Variants in TP53BP1 observed in about 807,000 individuals in gnomAD.
TP53BP1 encodes the protein TP53-binding protein 1.
In TP53BP1, 61 loss-of-function variants were observed where a neutral mutation model predicts 200.8. The ratio of observed to expected loss-of-function variants is 0.30; its 90% CI spans 0.25 to 0.38. The LOEUF (loss-of-function observed/expected upper bound fraction) is 0.38, where lower values mean the gene tolerates loss of function less well. Ranked by LOEUF, TP53BP1 falls within the 10% of genes least tolerant of loss-of-function variation. The pLI, the probability that TP53BP1 is intolerant of heterozygous loss-of-function variation, is 1.00. For missense variants in TP53BP1, 2,144 were observed against 2,371.9 expected, an observed-to-expected ratio of 0.90 and a Z score of 2.00; for synonymous variants, 822 against 844.3, an observed-to-expected ratio of 0.97 and a Z score of 0.46.
At chr15:43,467,048 TGTAAAG>T (rs541320883) in intron 11 of TP53BP1, among the ~76,000 whole-genome samples, 1 of 150,748 alleles carries the variant, frequency 6.6e-6, no homozygotes, top group South Asian at 2.1e-4. Context: ...AAAGCTATGT[TGTAAAG>T]GTATTCTTTT....
chr15:43,448,398 G>A (rs1475650903), intron 12 of TP53BP1, among the ~76,000 whole-genome samples: 1 of 151,840 alleles, frequency 6.6e-6, no homozygotes, highest in Non-Finnish European at 1.5e-5. Context: ...TACTTTCCTG[G>A]GATGGCTCAA....
Position 43,405,358 on chromosome 15 carries a change from G to T in TP53BP1, c.*2025C>A. 2.3e-6 allele frequency: 2 copies of T among 877,206 alleles called. No individual in the cohort carries two copies. Among genetic ancestry groups the T allele is most frequent in the Non-Finnish European group, 3.6e-6 (2 of 552,076 alleles). The allele number at this position is 877,206 out of a possible 1,614,324, so 54.3% of individuals were successfully genotyped here. A position where few individuals can be genotyped will look rare whatever the true frequency, so the allele number is the denominator to read the frequency against. On this transcript the variant is annotated 3_prime_UTR_variant, in exon 28 of 28. Transcript: ENST00000382044. ...ACCTTTTCTCCTAGAAGCAGTTACT[G>T]AACATCCAGGAGTACAACTCCTTCC...
intron 18 of TP53BP1, among the ~76,000 whole-genome samples, chr15:43,424,020 A>G (rs2045468999): frequency 6.6e-6 from 1 of 152,160 alleles, no homozygotes; most frequent in Non-Finnish European, 1.5e-5. Flanking sequence ...AATTTCTACT[A>G]GTCTTCCCCT....
chr15:43,431,858 T>G (rs931131129), intron 17 of TP53BP1, among the ~76,000 whole-genome samples: 1 of 152,164 alleles, frequency 6.6e-6, no homozygotes, highest in African/African-American at 2.4e-5. Context: ...ATCTGATGGT[T>G]AGAAGGCAAG....
chr15:43,484,326 C>T (rs2079016260), intron 4 of TP53BP1, among the ~76,000 whole-genome samples: 1 of 152,204 alleles, frequency 6.6e-6, no homozygotes, highest in Admixed American at 6.5e-5. Flanking sequence ...CACCATTCTT[C>T]ATCTGCTTCA....
Position 43,432,301 on chromosome 15 carries a change from C to T in TP53BP1, c.3568G>A (p.Val1190Met). The change falls in exon 17 of 28, where the codon GTG (valine) becomes ATG (methionine). Residue 1190 changes from valine (V) to methionine (M), a missense_variant. Around this residue, in one of 4 missense-constraint regions of TP53BP1, gnomAD observed 1,700 missense variants for 1,710.3 expected, o/e 0.99. Coordinates refer to ENST00000382044, the MANE Select transcript of TP53BP1 (RefSeq NM_001141980.3). ...TCTTGCTTTCCAAAGTTCTGGTCCA[C>T]TGTACTGGTCCCCTGCTCACACACA... The part of the protein sequence containing the change: ...KNVCEQGTST[V>M]DQNFGKQDAT... 1 of 1,614,202 alleles carries T rather than the reference C, an allele frequency of 6.2e-7. No individual in the cohort carries two copies. Among genetic ancestry groups the T allele is most frequent in the Non-Finnish European group, 8.5e-7 (1 of 1,180,028 alleles).
At chr15:43,434,099 T>A (rs554269530) in intron 16 of TP53BP1, among the ~76,000 whole-genome samples, 76 of 152,340 alleles carry the variant, frequency 5.0e-4, no homozygotes, top group African/African-American at 1.7e-3. Flanking sequence ...TTGGTTGTTA[T>A]AGTGTGTGTC....
At position 43,456,366 on chromosome 15, in the gene TP53BP1, G is replaced by C. The variant is rs776112921; in HGVS notation, c.2242C>G (p.Gln748Glu). The change falls in exon 12 of 28, where the codon CAG (glutamine) becomes GAG (glutamate). Residue 748 changes from glutamine to glutamate, a missense_variant. Coordinates refer to ENST00000382044, the MANE Select transcript of TP53BP1 (RefSeq NM_001141980.3). ...ILDQELEHKE[Q>E]EAWEEATSED... The stretch of plus-strand genomic sequence containing the variant: ...GAAGTAGCTTCTTCCCAAGCTTCCT[G>C]TTCCTTATGTTCCAATTCTTGGTCA... The C allele has an allele frequency of 6.2e-7, 1 of 1,609,316 alleles. No homozygotes were observed.
At chr15:43,485,877 T>C (rs1004287788) in intron 4 of TP53BP1, among the ~76,000 whole-genome samples, 5 of 151,732 alleles carry the variant, frequency 3.3e-5, no homozygotes, top group African/African-American at 1.2e-4. Context: ...TCAAAAAAAT[T>C]TGTAGAATGA....
Position 43,462,410 on chromosome 15 carries a change from C to T in TP53BP1, c.1390-5192G>A, listed in dbSNP as rs1595587221. Among the ~76,000 whole-genome samples the T allele has an allele frequency of 2.0e-5, 3 of 152,070 alleles. No homozygotes were observed. The East Asian group carries it at 5.8e-4, about 29-fold the overall frequency. ...CAAACACCTGAACTCAAGCAATCTT[C>T]CCCGCTCATACTGCTCCCCAGCACC... On this transcript the variant is annotated intron_variant, in intron 11 of 27. Coordinates refer to ENST00000382044, the MANE Select transcript of TP53BP1 (RefSeq NM_001141980.3).
At position 43,481,460 on chromosome 15, in the gene TP53BP1, TACACACACAC is replaced by T. The variant is rs61433356; in HGVS notation, c.372-448_372-439del. ...TAAGGAGCTTATATATGTATATAAA[TACACACACAC>T]ACACACACACACACACACACACTTT... is the stretch of plus-strand genomic sequence containing the variant. On this transcript the variant is annotated intron_variant, in intron 4 of 27. Transcript: ENST00000382044. Among the ~76,000 whole-genome samples, 52 of 143,810 alleles carry T rather than the reference TACACACACAC, an allele frequency of 3.6e-4. No homozygotes were observed. In the South Asian group the frequency reaches 6.1e-3, roughly 17 times the overall value. The allele number at this position is 143,810 out of a possible 152,430, so 94.3% of individuals were successfully genotyped here.
intron 11 of TP53BP1, among the ~76,000 whole-genome samples, chr15:43,457,614 G>A (rs960349553): frequency 8.1e-6 from 1 of 122,760 alleles, no homozygotes; most frequent in African/African-American, 3.1e-5. Context: ...GGAGGTTGCA[G>A]TAAGCCGAGA....
chr15:43,441,375 T>C, intron 15 of TP53BP1, 151 bp downstream of exon 15: 1 of 631,718 alleles, frequency 1.6e-6, no homozygotes, highest in Non-Finnish European at 2.8e-6. Context: ...AACTAAAAAG[T>C]CTATGATCCA....
chr15:43,409,493 C>A, intron 25 of TP53BP1, 154 bp downstream of exon 25: 1 of 519,922 alleles, frequency 1.9e-6, no homozygotes, highest in Non-Finnish European at 3.4e-6. Flanking sequence ...AACAAAAATT[C>A]TATTTCATGC....
Position 43,491,988 on chromosome 15 carries a change from T to A in TP53BP1, c.286+14A>T, listed in dbSNP as rs770555642. ...AAAAAATGCAAAGGGGACAGATAGC[T>A]TTAAACACCTCACCTGCAACCTTGT... On this transcript the variant is annotated intron_variant, in intron 3 of 27. Coordinates refer to ENST00000382044, the MANE Select transcript of TP53BP1 (RefSeq NM_001141980.3). The A allele has an allele frequency of 6.2e-7, 1 of 1,603,864 alleles. No homozygotes were observed. Among genetic ancestry groups the A allele is most frequent in the South Asian group, 1.1e-5 (1 of 90,832 alleles).
intron 11 of TP53BP1, 48 bp downstream of exon 11, chr15:43,469,810 G>C: frequency 6.8e-7 from 1 of 1,480,418 alleles, no homozygotes; most frequent in South Asian, 1.1e-5. Flanking sequence ...CAATAATGCT[G>C]CTTTAAAAAA....
chr15:43,497,489 C>A (rs2079188395), upstream of TP53BP1: 3 of 982,262 alleles, frequency 3.1e-6, no homozygotes, highest in Non-Finnish European at 3.6e-6. Flanking sequence ...CCTGGCTCTT[C>A]TCTACCATCT....
chr15:43,471,068 T>C (rs530898733), intron 10 of TP53BP1, among the ~76,000 whole-genome samples: 3 of 152,120 alleles, frequency 2.0e-5, no homozygotes, highest in Non-Finnish European at 4.4e-5. Context: ...AACCTGCTGT[T>C]ATAGGCACTA....
intron 16 of TP53BP1, among the ~76,000 whole-genome samples, chr15:43,436,123 C>T (rs1208123128): frequency 3.3e-5 from 5 of 152,144 alleles, no homozygotes; most frequent in Admixed American, 6.5e-5. Flanking sequence ...TCCCAAGTAG[C>T]TGGGACTACA....
Sources: gnomAD v4.1 joint callset for allele counts (sites outside exome capture counted in the v4.1 genomes callset) on GRCh38, gnomAD v4.1.1 for gene constraint, gnomAD v4.1.1 regional missense constraint, MANE v1.5 for transcripts, NCBI Gene and HGNC (gene_info 2026-07-23, HGNC 2026-07-21) for gene names.